The following SSBP2 variants were observed in gnomAD, a reference collection of about 807,000 sequenced individuals.
SSBP2 encodes the protein single-stranded DNA-binding protein 2.
SSBP2 carries 17 observed loss-of-function variants against 61.8 expected under a neutral mutation model. The observed-to-expected ratio is 0.28, with a 90% CI of 0.19 to 0.41. The LOEUF (loss-of-function observed/expected upper bound fraction) is 0.41. Among genes scored for constraint, SSBP2 ranks in the 10% least tolerant of loss-of-function variants. SSBP2 has a pLI of 1.00. For missense variants in SSBP2, 310 were observed against 458.7 expected (o/e 0.68, Z 2.96); for synonymous variants, 139 against 141.3 (o/e 0.98, Z 0.12).
At chr5:81,441,359 TCA>T (rs1258495266) in intron 13 of SSBP2, among the ~76,000 whole-genome samples, 1 of 152,192 alleles carries the variant, frequency 6.6e-6, no homozygotes, top group Non-Finnish European at 1.5e-5. Context: ...GCCCGCCCAC[TCA>T]GTCTTCCTCT....
chr5:81,627,717 C>A (rs1017786648), intron 3 of SSBP2, among the ~76,000 whole-genome samples: 1 of 152,016 alleles, frequency 6.6e-6, no homozygotes, highest in African/African-American at 2.4e-5. Context: ...ATACAGGGGA[C>A]CAAAGTCACT....
At chr5:81,632,119 C>T (rs545596821) in intron 3 of SSBP2, among the ~76,000 whole-genome samples, 6 of 152,298 alleles carry the variant, frequency 3.9e-5, no homozygotes, top group Middle Eastern at 3.4e-3. Flanking sequence ...ATTTATGCTA[C>T]ACTGTACATG....
At chr5:81,732,998 G>C (rs1183298765) in intron 1 of SSBP2, among the ~76,000 whole-genome samples, 2 of 152,166 alleles carry the variant, frequency 1.3e-5, no homozygotes, top group Non-Finnish European at 2.9e-5. Context: ...ATTACTGGAA[G>C]GAAAGAGGTC....
chr5:81,676,556 C>T (rs1268774788), intron 1 of SSBP2, among the ~76,000 whole-genome samples: 4 of 152,134 alleles, frequency 2.6e-5, no homozygotes, highest in Non-Finnish European at 5.9e-5. Context: ...CGTTTCACAG[C>T]TAATTACCTT....
At chr5:81,451,580 T>A (rs1763774978) in intron 10 of SSBP2, among the ~76,000 whole-genome samples, 2 of 152,020 alleles carry the variant, frequency 1.3e-5, no homozygotes, top group Non-Finnish European at 1.5e-5. Flanking sequence ...GTGCCTGCTA[T>A]CACGCCCGGC....
At chr5:81,469,927 G>C (rs1033291827) in intron 8 of SSBP2, among the ~76,000 whole-genome samples, 2 of 151,848 alleles carry the variant, frequency 1.3e-5, no homozygotes, top group African/African-American at 4.8e-5. Flanking sequence ...CTGACAAAAT[G>C]GCTGTTCAGA....
chr5:81,727,242 G>T (rs1056815889), intron 1 of SSBP2, among the ~76,000 whole-genome samples: 2 of 152,138 alleles, frequency 1.3e-5, no homozygotes, highest in Non-Finnish European at 2.9e-5. Context: ...CATTGTTGGG[G>T]GTATTAATCA....
At chr5:81,596,582 C>T (rs1427208130) in intron 4 of SSBP2, among the ~76,000 whole-genome samples, 1 of 40,914 alleles carries the variant, frequency 2.4e-5, no homozygotes. Context: ...TACCTGACTT[C>T]AAACTATACT....
chr5:81,528,529 A>ATAGTAATTTGAC (rs1335381398), intron 4 of SSBP2, among the ~76,000 whole-genome samples: 2 of 152,064 alleles, frequency 1.3e-5, no homozygotes, highest in Admixed American at 6.6e-5. Flanking sequence ...TTTCATCCGA[A>ATAGTAATTTGAC]TAGTAATTTG....
rs1324364855 is a variant in SSBP2 at position 81,676,680 on chromosome 5, CCT to C, written c.63-26343_63-26342del. Reference sequence around the variant, plus strand: ...CCGTGAAGCCTTTCCTAACTACCATCCTCTCTTACCCCCTCCTTCCCCTCTTT... The same window carrying C: ...CCGTGAAGCCTTTCCTAACTACCATCCTCTTACCCCCTCCTTCCCCTCTTT... On this transcript the variant is annotated intron_variant, in intron 1 of 16. Transcript: ENST00000320672. Among the ~76,000 whole-genome samples the C allele has an allele frequency of 2.6e-5, 4 of 152,298 alleles. No individual in the cohort carries two copies. In the South Asian group the frequency reaches 6.2e-4, roughly 24 times the overall value.
chr5:81,507,292 G>C (rs1360731609), intron 5 of SSBP2, among the ~76,000 whole-genome samples: 1 of 152,084 alleles, frequency 6.6e-6, no homozygotes, highest in Non-Finnish European at 1.5e-5. Context: ...GATCACCTTG[G>C]TCTGAAACTA....
intron 4 of SSBP2, among the ~76,000 whole-genome samples, chr5:81,574,898 T>G (rs1469363968): frequency 6.6e-6 from 1 of 151,940 alleles, no homozygotes; most frequent in African/African-American, 2.4e-5. Flanking sequence ...AAAAATGAGA[T>G]TTTATAATCA....
intron 5 of SSBP2, among the ~76,000 whole-genome samples, chr5:81,497,723 A>G (rs1248036995): frequency 6.6e-6 from 1 of 152,172 alleles, no homozygotes; most frequent in African/African-American, 2.4e-5. Context: ...AGTATACAAG[A>G]GAACTTATAA....
chr5:81,423,579 C>T (rs959451464), intron 16 of SSBP2, among the ~76,000 whole-genome samples: 2 of 151,938 alleles, frequency 1.3e-5, no homozygotes, highest in Non-Finnish European at 2.9e-5. Flanking sequence ...TCTGTCTCTA[C>T]TAAAAAATAC....
chr5:81,440,609 G>A lies in SSBP2; in HGVS notation c.877C>T (p.Pro293Ser), dbSNP rs769485829. ...TCCATTCCTCCTAATCCACCCATGG[G>A]ACCATCTGACCCAGGACCCATTGGA... The change falls in exon 14 of 17, where the codon CCC becomes TCC. Residue 293 changes from proline (P) to serine (S), a missense_variant. Transcript: ENST00000320672. 1 of 1,613,298 alleles carries A rather than the reference G, an allele frequency of 6.2e-7. No homozygotes were observed. The highest frequency in any genetic ancestry group is 1.1e-5 in the South Asian group (1 of 90,976).
intron 5 of SSBP2, among the ~76,000 whole-genome samples, chr5:81,501,563 C>CTTTTTT (rs71603598): frequency 1.4e-4 from 17 of 117,372 alleles, no homozygotes; most frequent in East Asian, 2.2e-4. Flanking sequence ...TCTTTCTTTT[C>CTTTTTT]TTTTTTTTTT....
chr5:81,534,624 G>C (rs918955922), intron 4 of SSBP2, among the ~76,000 whole-genome samples: 1 of 152,042 alleles, frequency 6.6e-6, no homozygotes, highest in African/African-American at 2.4e-5. Flanking sequence ...AACAATCTCT[G>C]AGCTTGAGGA....
At chr5:81,666,687 T>C (rs538351582) in intron 1 of SSBP2, among the ~76,000 whole-genome samples, 23 of 152,318 alleles carry the variant, frequency 1.5e-4, no homozygotes, top group African/African-American at 5.1e-4. Flanking sequence ...GCAGTATACA[T>C]TGGTATTACT....
At chr5:81,526,434 T>TA (rs1432170997) in intron 4 of SSBP2, among the ~76,000 whole-genome samples, 10 of 152,168 alleles carry the variant, frequency 6.6e-5, no homozygotes, top group African/African-American at 2.2e-4. Flanking sequence ...CTCAAAATAA[T>TA]AAACTTTCAT....
Sources: allele counts gnomAD v4.1 joint callset (sites outside exome capture counted in the v4.1 genomes callset), GRCh38; gene constraint gnomAD v4.1.1; transcripts MANE v1.5; gene names NCBI Gene and HGNC (gene_info 2026-07-23, HGNC 2026-07-21).